ERBB4: variants seen among roughly 807,000 people sequenced by gnomAD.
ERBB4 encodes erb-b2 receptor tyrosine kinase 4.
In ERBB4, 42 loss-of-function variants were observed where a neutral mutation model predicts 158.0. The ratio of observed to expected loss-of-function variants is 0.27; its 90% CI spans 0.21 to 0.34. The LOEUF (loss-of-function observed/expected upper bound fraction) is 0.34. Among genes scored for constraint, ERBB4 ranks in the 10% least tolerant of loss-of-function variants. The pLI, the probability that ERBB4 is intolerant of heterozygous loss-of-function variation, is 1.00. For missense variants in ERBB4, 1,333 were observed against 1,624.1 expected, an observed-to-expected ratio of 0.82 and a Z score of 3.08; for synonymous variants, 583 against 558.7, an observed-to-expected ratio of 1.04 and a Z score of -0.61.
At chr2:211,418,368 AG>A (rs1383900140) in intron 25 of ERBB4, among the ~76,000 whole-genome samples, 8 of 152,168 alleles carry the variant, frequency 5.3e-5, no homozygotes, top group African/African-American at 1.9e-4. Context: ...TGACAAATAA[AG>A]CTTTTTAAAT....
In ERBB4 at chr2:211,619,125, C is replaced by T. The variant is rs376060672; in HGVS notation, c.2301+52G>A. ...TTTTGTTTTGCTTTAATTATCTAAG[C>T]AGGCTATTTGATAATGGAGAAAAAT... On this transcript the variant is annotated intron_variant, in intron 19 of 27. Coordinates refer to ENST00000342788, the MANE Select transcript of ERBB4 (RefSeq NM_005235.3). 741 of 1,048,980 alleles carry T rather than the reference C, an allele frequency of 7.1e-4. 3 individuals are homozygous for T. Among genetic ancestry groups the T allele is most frequent in the South Asian group, 1.4e-3 (113 of 79,486 alleles). The allele number at this position is 1,048,980 out of a possible 1,614,324, so 65.0% of individuals were successfully genotyped here. A position where few individuals can be genotyped will look rare whatever the true frequency, so the allele number is the denominator to read the frequency against.
At chr2:212,047,168 T>C (rs545689860) in intron 2 of ERBB4, among the ~76,000 whole-genome samples, 6 of 152,300 alleles carry the variant, frequency 3.9e-5, no homozygotes, top group African/African-American at 1.4e-4. Flanking sequence ...CTTTTAAGTT[T>C]TCTACCTCTA....
intron 3 of ERBB4, among the ~76,000 whole-genome samples, chr2:211,796,681 G>C (rs1454973707): frequency 1.3e-5 from 2 of 151,774 alleles, no homozygotes; most frequent in African/African-American, 4.8e-5. Flanking sequence ...CTTCCCTAGT[G>C]ACTACTGAAG....
Position 211,537,978 on chromosome 2 carries a change from GT to G in ERBB4, c.2487+23924del, listed in dbSNP as rs140416605. Among the ~76,000 whole-genome samples, 556 of 151,828 alleles carry G rather than the reference GT, an allele frequency of 3.7e-3. 1 individual carries two copies. The highest frequency in any genetic ancestry group is 0.012 in the African/African-American group (508 of 41,468). ...AAATAACCATCATGTTCAAAATATT[GT>G]TTCAGAAATGGAAATGACAATAATT... On this transcript the variant is annotated intron_variant, in intron 20 of 27. Coordinates refer to ENST00000342788, the MANE Select transcript of ERBB4 (RefSeq NM_005235.3).
At chr2:211,983,840 A>G (rs983636703) in intron 2 of ERBB4, among the ~76,000 whole-genome samples, 2 of 152,180 alleles carry the variant, frequency 1.3e-5, no homozygotes, top group African/African-American at 4.8e-5. Flanking sequence ...GTTATCAATA[A>G]CATTCCTTAT....
Position 212,272,270 on chromosome 2 carries a change from A to T in ERBB4, c.83-147367T>A, listed in dbSNP as rs982552944. ...AATATATGGATCATTTTAAAATAAA[A>T]TTTTAAAAAGCAATGCACAAAAGTT... On this transcript the variant is annotated intron_variant, in intron 1 of 27. Transcript: ENST00000342788. 2.0e-5 allele frequency among the ~76,000 whole-genome samples: 3 copies of T among 151,922 alleles called. No individual in the cohort carries two copies. In the South Asian group the frequency reaches 6.2e-4, roughly 31 times the overall value.
intron 20 of ERBB4, among the ~76,000 whole-genome samples, chr2:211,550,870 A>G (rs1300145442): frequency 6.6e-6 from 1 of 150,906 alleles, no homozygotes; most frequent in Non-Finnish European, 1.5e-5. Flanking sequence ...TCAATTCTCA[A>G]ATCTCTAATT....
chr2:212,324,612 T>C (rs1474343429), intron 1 of ERBB4, among the ~76,000 whole-genome samples: 1 of 149,858 alleles, frequency 6.7e-6, no homozygotes, highest in Non-Finnish European at 1.5e-5. Context: ...AAGACATAAA[T>C]GAAAAAAATA....
At chr2:211,848,536 G>T (rs2077643995) in intron 3 of ERBB4, among the ~76,000 whole-genome samples, 1 of 152,010 alleles carries the variant, frequency 6.6e-6, no homozygotes, top group South Asian at 2.1e-4. Flanking sequence ...GAATTGGGAA[G>T]CAATATCTAT....
intron 12 of ERBB4, among the ~76,000 whole-genome samples, chr2:211,683,473 A>G (rs1161321781): frequency 1.3e-5 from 2 of 152,184 alleles, no homozygotes; most frequent in African/African-American, 4.8e-5. Flanking sequence ...TGTCAATTAG[A>G]ATACATATGC....
chr2:212,325,529 C>T (rs533841342), intron 1 of ERBB4, among the ~76,000 whole-genome samples: 48 of 150,760 alleles, frequency 3.2e-4, no homozygotes, highest in African/African-American at 1.1e-3. Flanking sequence ...CAGTTCTAGG[C>T]TATGTTTTTC....
At chr2:211,396,091 A>T (rs1052579494) in intron 25 of ERBB4, among the ~76,000 whole-genome samples, 1 of 152,028 alleles carries the variant, frequency 6.6e-6, no homozygotes, top group Non-Finnish European at 1.5e-5. Flanking sequence ...GTCTTTGCCT[A>T]GATATAGTTC....
intron 2 of ERBB4, among the ~76,000 whole-genome samples, chr2:212,093,525 T>C (rs528733328): frequency 1.3e-5 from 2 of 152,268 alleles, no homozygotes; most frequent in South Asian, 4.1e-4. Flanking sequence ...ATTACAATGA[T>C]GAGGAGGATA....
chr2:212,339,411 A>G (rs73987372), intron 1 of ERBB4, among the ~76,000 whole-genome samples: 2,243 of 152,302 alleles, frequency 0.015, 56 homozygotes, highest in African/African-American at 0.05. Flanking sequence ...TTAGTAAATC[A>G]TATACTCTTG....
chr2:211,780,205 TA>T (rs1231438174), intron 4 of ERBB4, among the ~76,000 whole-genome samples: 1 of 151,542 alleles, frequency 6.6e-6, no homozygotes, highest in Admixed American at 6.6e-5. Context: ...CTACAAACAG[TA>T]AAAAACAATT....
intron 5 of ERBB4, among the ~76,000 whole-genome samples, chr2:211,735,866 A>G (rs1432891367): frequency 6.6e-6 from 1 of 151,906 alleles, no homozygotes; most frequent in East Asian, 1.9e-4. Context: ...TAAAAAAGAT[A>G]ATCAGGCCAA....
chr2:212,487,280 T>C (rs1298082774), intron 1 of ERBB4, among the ~76,000 whole-genome samples: 1 of 151,316 alleles, frequency 6.6e-6, no homozygotes, highest in Non-Finnish European at 1.5e-5. Context: ...TATATTGTAA[T>C]ATTTTATATA....
chr2:211,547,868 G>C, intron 20 of ERBB4, among the ~76,000 whole-genome samples: 1 of 152,150 alleles, frequency 6.6e-6, no homozygotes, highest in East Asian at 1.9e-4. Flanking sequence ...AAAACCCTTT[G>C]CCATTTATAG....
intron 20 of ERBB4, among the ~76,000 whole-genome samples, chr2:211,556,670 T>G (rs1041189677): frequency 6.6e-6 from 1 of 151,902 alleles, no homozygotes; most frequent in African/African-American, 2.4e-5. Context: ...ACTGAAACCA[T>G]AACAAACACT....
Sources: allele counts gnomAD v4.1 joint callset (sites outside exome capture counted in the v4.1 genomes callset), GRCh38; gene constraint gnomAD v4.1.1; transcripts MANE v1.5; gene names NCBI Gene and HGNC (gene_info 2026-07-23, HGNC 2026-07-21).